Variants in NPAS3 observed in about 807,000 individuals in gnomAD.
NPAS3 encodes neuronal PAS domain-containing protein 3.
Under a neutral mutation model 73.1 loss-of-function variants are expected in NPAS3, and 14 were observed. That is an observed-to-expected ratio of 0.19 (90% confidence interval 0.13 to 0.30). The LOEUF (loss-of-function observed/expected upper bound fraction) is 0.30, where lower values mean the gene tolerates loss of function less well. NPAS3 is among the 10% of genes least tolerant of loss of function. The pLI is 1.00. For synonymous variants in NPAS3, 620 were observed against 541.5 expected (o/e 1.14, Z -2.01); for missense variants, 1,096 against 1,250.0 (o/e 0.88, Z 1.86).
intron 6 of NPAS3, among the ~76,000 whole-genome samples, chr14:33,676,664 C>T (rs369262009): frequency 5.9e-4 from 90 of 152,262 alleles, no homozygotes; most frequent in African/African-American, 1.9e-3. Context: ...GAACAGCTTC[C>T]GATTTGGAAT....
chr14:33,678,077 C>T (rs781394086), intron 6 of NPAS3, among the ~76,000 whole-genome samples: 20 of 152,096 alleles, frequency 1.3e-4, no homozygotes, highest in Non-Finnish European at 2.8e-4. Flanking sequence ...AAGTTTGTTT[C>T]CTTGAATCAC....
At chr14:32,967,521 G>A (rs1184237032) in intron 1 of NPAS3, among the ~76,000 whole-genome samples, 2 of 152,094 alleles carry the variant, frequency 1.3e-5, no homozygotes, top group Non-Finnish European at 2.9e-5. Flanking sequence ...TAAAGAATGG[G>A]CAAGACATCT....
chr14:33,480,995 T>C (rs1429859937), intron 4 of NPAS3, among the ~76,000 whole-genome samples: 4 of 152,062 alleles, frequency 2.6e-5, no homozygotes, highest in Non-Finnish European at 4.4e-5. Flanking sequence ...ATCTAGAGCC[T>C]CATGCGTCCC....
At chr14:33,514,469 A>G (rs1021936519) in intron 4 of NPAS3, among the ~76,000 whole-genome samples, 1 of 152,138 alleles carries the variant, frequency 6.6e-6, no homozygotes, top group Admixed American at 6.6e-5. Context: ...TGATGCCCAA[A>G]TTGGTTGCGT....
intron 6 of NPAS3, among the ~76,000 whole-genome samples, chr14:33,696,060 G>C (rs1395516455): frequency 6.6e-6 from 1 of 152,162 alleles, no homozygotes; most frequent in African/African-American, 2.4e-5. Context: ...TTGATGTCAT[G>C]ATTAGAGTAC....
In NPAS3 at chr14:33,192,436, G is replaced by C. The variant is rs528629297; in HGVS notation, c.141-22746G>C. On this transcript the variant is annotated intron_variant, in intron 2 of 11. Coordinates refer to ENST00000356141, the Ensembl canonical transcript of NPAS3. Reference sequence around the variant, plus strand: ...ACCAGATAGCCTTGAGGTGTGGTATGAGTTCAAACAGCTGGAATAGCCCAG... The same window carrying C: ...ACCAGATAGCCTTGAGGTGTGGTATCAGTTCAAACAGCTGGAATAGCCCAG... Among the ~76,000 whole-genome samples the C allele has an allele frequency of 5.3e-5, 8 of 152,294 alleles. No homozygotes were observed. The East Asian group carries it at 1.5e-3, about 29-fold the overall frequency.
At chr14:33,652,310 A>G (rs2059017562) in intron 5 of NPAS3, among the ~76,000 whole-genome samples, 1 of 152,196 alleles carries the variant, frequency 6.6e-6, no homozygotes, top group South Asian at 2.1e-4. Flanking sequence ...CTGAGGAAAC[A>G]GCACCTTTTC....
At chr14:33,406,037 CA>C (rs2047650927) in intron 4 of NPAS3, among the ~76,000 whole-genome samples, 1 of 151,962 alleles carries the variant, frequency 6.6e-6, no homozygotes, top group Non-Finnish European at 1.5e-5. Context: ...ACTTTTTACT[CA>C]GGAAACATAA....
chr14:33,329,189 C>T (rs2043862199), intron 3 of NPAS3, among the ~76,000 whole-genome samples: 1 of 152,144 alleles, frequency 6.6e-6, no homozygotes, highest in African/African-American at 2.4e-5. Flanking sequence ...GCATGGCAAG[C>T]CCTGTTGTGG....
intron 2 of NPAS3, among the ~76,000 whole-genome samples, chr14:33,195,131 G>C (rs2139533746): frequency 6.6e-6 from 1 of 151,912 alleles, no homozygotes; most frequent in South Asian, 2.1e-4. Flanking sequence ...TTAACATTCT[G>C]TAGGAATGTT....
rs569244155 is a variant in NPAS3, at chr14:33,018,782, A to C, written c.51-37123A>C. On this transcript the variant is annotated intron_variant, in intron 1 of 11. Transcript: ENST00000356141. Reference sequence around the variant, plus strand: ...ACAAGAAAGGCAATTTCTTCTTCACAATTAATTGTAAGACATTTCTTCCCT... The same window carrying C: ...ACAAGAAAGGCAATTTCTTCTTCACCATTAATTGTAAGACATTTCTTCCCT... Among the ~76,000 whole-genome samples, 111 of 152,288 alleles carry C rather than the reference A, an allele frequency of 7.3e-4. 1 individual carries two copies. Among genetic ancestry groups the C allele is most frequent in the African/African-American group, 2.6e-3 (107 of 41,570 alleles).
At chr14:33,095,516 T>C (rs568742515) in intron 2 of NPAS3, among the ~76,000 whole-genome samples, 8 of 152,278 alleles carry the variant, frequency 5.3e-5, no homozygotes, top group African/African-American at 1.4e-4. Flanking sequence ...AACTTCATTA[T>C]GGCAATAAAT....
At chr14:32,978,819 C>T (rs2037789286) in intron 1 of NPAS3, among the ~76,000 whole-genome samples, 1 of 152,138 alleles carries the variant, frequency 6.6e-6, no homozygotes, top group South Asian at 2.1e-4. Context: ...TTGCTCTCTC[C>T]CTTATGACAG....
chr14:33,401,212 T>A (rs577092376), intron 4 of NPAS3, among the ~76,000 whole-genome samples: 2 of 152,292 alleles, frequency 1.3e-5, no homozygotes, highest in African/African-American at 4.8e-5. Flanking sequence ...CTGAAAATTG[T>A]ATTTCCATCT....
At chr14:33,381,004 T>C (rs1160997641) in intron 4 of NPAS3, among the ~76,000 whole-genome samples, 2 of 152,164 alleles carry the variant, frequency 1.3e-5, no homozygotes, top group Non-Finnish European at 2.9e-5. Context: ...AAAATTCTTT[T>C]TTTTTTTTTG....
chr14:33,097,652 A>T (rs2042461670), intron 2 of NPAS3, among the ~76,000 whole-genome samples: 1 of 152,216 alleles, frequency 6.6e-6, no homozygotes, highest in South Asian at 2.1e-4. Context: ...GAATTCCAGT[A>T]ACTCTTTATC....
intron 6 of NPAS3, among the ~76,000 whole-genome samples, chr14:33,685,228 C>T (rs1163319554): frequency 6.6e-6 from 1 of 152,136 alleles, no homozygotes; most frequent in Non-Finnish European, 1.5e-5. Flanking sequence ...AATGCGGAAG[C>T]GTGGTAATGA....
intron 2 of NPAS3, among the ~76,000 whole-genome samples, chr14:33,068,959 G>C (rs1595372657): frequency 6.6e-6 from 1 of 152,244 alleles, no homozygotes; most frequent in South Asian, 2.1e-4. Context: ...GGGCCAGGGA[G>C]GGACTTCGGC....
intron 1 of NPAS3, among the ~76,000 whole-genome samples, chr14:33,025,064 A>G (rs1280931067): frequency 6.6e-6 from 1 of 152,230 alleles, no homozygotes; most frequent in Admixed American, 6.5e-5. Flanking sequence ...AAAGTAACGT[A>G]TGTGTCTTCA....
Sources: allele counts gnomAD v4.1 joint callset (sites outside exome capture counted in the v4.1 genomes callset), GRCh38; gene constraint gnomAD v4.1.1; transcripts MANE v1.5; gene names NCBI Gene and HGNC (gene_info 2026-07-23, HGNC 2026-07-21).